Variants in CDK19 observed in about 807,000 individuals in gnomAD.
The protein encoded by CDK19 is cyclin-dependent kinase 19.
CDK19 carries 20 observed loss-of-function variants against 68.3 expected under a neutral mutation model. That is an observed-to-expected ratio of 0.29 (90% CI 0.21 to 0.43). CDK19 has a LOEUF of 0.43. Ranked by LOEUF, CDK19 falls within the 20% of genes least tolerant of loss-of-function variation. The pLI is 1.00. For synonymous variants in CDK19, 221 were observed against 222.8 expected (o/e 0.99, Z 0.07); for missense variants, 339 against 623.5 (o/e 0.54, Z 4.86).
chr6:110,645,898 T>C (rs1256952141), intron 4 of CDK19: 2 of 805,600 alleles, frequency 2.5e-6, no homozygotes, highest in Non-Finnish European at 4.1e-6. Context: ...GGCGACTCAG[T>C]CCTGCGAACT....
chr6:110,746,159 T>C lies in CDK19; in HGVS notation c.171A>G (p.Thr57=). The stretch of plus-strand genomic sequence containing the variant: ...CTCTACAAGCCGACATGGATATTCC[T>C]GTGCCTTCAATTTGCTTCAATGCAT... The part of the protein sequence containing the change: ...KEYALKQIEG[T]GISMSACREI... Residue 57 remains threonine (T), a synonymous_variant, in exon 2 of 13, where the codon ACA becomes ACG. Coordinates refer to ENST00000368911, the MANE Select transcript of CDK19 (RefSeq NM_015076.5). The C allele has an allele frequency of 6.2e-7, 1 of 1,603,924 alleles. No individual in the cohort carries two copies. The highest frequency in any genetic ancestry group is 8.5e-7 in the Non-Finnish European group (1 of 1,175,666).
rs558950184 is a variant in CDK19, at chr6:110,673,962, A to G, written c.205-3421T>C. Among the ~76,000 whole-genome samples the G allele has an allele frequency of 1.1e-4, 16 of 152,190 alleles. No homozygotes were observed. The South Asian group carries it at 3.3e-3, about 32-fold the overall frequency. ...GCTTCACAGATACTGTGTTTTTCCC[A>G]AGTAGAAGGTTTGTGGCAACCCTGC... On this transcript the variant is annotated intron_variant, in intron 2 of 12. Coordinates refer to ENST00000368911, the MANE Select transcript of CDK19 (RefSeq NM_015076.5).
intron 2 of CDK19, among the ~76,000 whole-genome samples, chr6:110,679,243 G>A (rs1771797697): frequency 6.6e-6 from 1 of 151,952 alleles, no homozygotes; most frequent in Non-Finnish European, 1.5e-5. Context: ...TTGAGCCCAC[G>A]AGTTCAAGGC....
chr6:110,811,652 G>A (rs890302163), intron 1 of CDK19, among the ~76,000 whole-genome samples: 2 of 152,158 alleles, frequency 1.3e-5, no homozygotes, highest in African/African-American at 4.8e-5. Context: ...TGTCATGTGC[G>A]ACTTCTTAAT....
At chr6:110,649,165 G>T (rs1381868358) in intron 4 of CDK19, among the ~76,000 whole-genome samples, 1 of 151,936 alleles carries the variant, frequency 6.6e-6, no homozygotes, top group Non-Finnish European at 1.5e-5. Context: ...TCCCATCAGG[G>T]ATTTTGTTCC....
intron 1 of CDK19, among the ~76,000 whole-genome samples, chr6:110,778,806 A>G (rs1450378654): frequency 6.6e-6 from 1 of 152,136 alleles, no homozygotes; most frequent in Non-Finnish European, 1.5e-5. Context: ...ACTGGATGAG[A>G]CACTTCCAAG....
intron 1 of CDK19, among the ~76,000 whole-genome samples, chr6:110,780,669 A>G (rs1173585020): frequency 6.6e-6 from 1 of 152,118 alleles, no homozygotes; most frequent in African/African-American, 2.4e-5. Context: ...ACATCTCTAC[A>G]ACAAATATTT....
intron 1 of CDK19, among the ~76,000 whole-genome samples, chr6:110,807,275 C>T (rs1232257053): frequency 6.6e-6 from 1 of 152,120 alleles, no homozygotes; most frequent in Non-Finnish European, 1.5e-5. Context: ...CTGCAGTGAG[C>T]CATGATCTAA....
At chr6:110,742,774 G>A (rs6933785) in intron 2 of CDK19, among the ~76,000 whole-genome samples, 7,877 of 152,162 alleles carry the variant, frequency 0.052, 218 homozygotes, top group Middle Eastern at 0.078. Context: ...TGGTTAGACC[G>A]GATCTCTGCT....
intron 2 of CDK19, among the ~76,000 whole-genome samples, chr6:110,692,607 T>G (rs1773104313): frequency 6.6e-6 from 1 of 152,152 alleles, no homozygotes. Context: ...TGGCTAGAGA[T>G]TTAGATATAC....
intron 1 of CDK19, among the ~76,000 whole-genome samples, chr6:110,765,775 T>C (rs1194073349): frequency 6.6e-6 from 1 of 151,182 alleles, no homozygotes; most frequent in Non-Finnish European, 1.5e-5. Context: ...CCAAATCCAA[T>C]TAAAAAATAG....
At chr6:110,647,108 C>CT in intron 4 of CDK19, among the ~76,000 whole-genome samples, 1 of 152,148 alleles carries the variant, frequency 6.6e-6, no homozygotes, top group African/African-American at 2.4e-5. Flanking sequence ...GCACTCCCCT[C>CT]TATCACCCCC....
chr6:110,643,152 T>C (rs962566461), intron 4 of CDK19: 4 of 1,272,544 alleles, frequency 3.1e-6, no homozygotes, highest in African/African-American at 3.1e-5. Context: ...ATGCTACCAG[T>C]AGAAGCCAAA....
chr6:110,677,547 CAG>C (rs1026357955), intron 2 of CDK19, among the ~76,000 whole-genome samples: 1 of 134,820 alleles, frequency 7.4e-6, no homozygotes, highest in African/African-American at 2.8e-5. Context: ...GCCTGGGAAG[CAG>C]AGAGAGACCC....
chr6:110,628,452 T>G (rs1779228867), intron 6 of CDK19, among the ~76,000 whole-genome samples: 1 of 152,226 alleles, frequency 6.6e-6, no homozygotes, highest in Non-Finnish European at 1.5e-5. Context: ...TGTGTACCAT[T>G]CTGAGCAGTG....
intron 1 of CDK19, chr6:110,773,822 T>G (rs1222534887): frequency 1.3e-5 from 2 of 152,224 alleles, no homozygotes; most frequent in Non-Finnish European, 2.9e-5. Flanking sequence ...ACCTGTCACA[T>G]ACCCACCCCA....
chr6:110,674,901 CAAAA>C (rs113776673), intron 2 of CDK19, among the ~76,000 whole-genome samples: 1 of 92,216 alleles, frequency 1.1e-5, no homozygotes. Flanking sequence ...GACTCTGTCT[CAAAA>C]AAAAAAAAAA....
Position 110,759,460 on chromosome 6 carries a change from A to G in CDK19, c.129-13259T>C, listed in dbSNP as rs1366523723. On this transcript the variant is annotated intron_variant, in intron 1 of 12. Transcript: ENST00000368911. Reference sequence around the variant, plus strand: ...ATATATATATATATATAAATTAGCCAGGCATAGTAGCACATGCCTGCAGTC... The same window carrying G: ...ATATATATATATATATAAATTAGCCGGGCATAGTAGCACATGCCTGCAGTC... 1.2e-4 allele frequency among the ~76,000 whole-genome samples: 16 copies of G among 133,890 alleles called. 1 individual carries two copies. The highest frequency in any genetic ancestry group is 4.6e-4 in the African/African-American group (16 of 34,954). The allele number at this position is 133,890 out of a possible 152,430, so 87.8% of individuals were successfully genotyped here.
chr6:110,769,131 G>A (rs1197585800), intron 1 of CDK19, among the ~76,000 whole-genome samples: 1 of 135,440 alleles, frequency 7.4e-6, no homozygotes, highest in Non-Finnish European at 1.5e-5. Context: ...TTCCAGACTG[G>A]GTGACAGAGA....
Sources: gnomAD v4.1 joint callset for allele counts (sites outside exome capture counted in the v4.1 genomes callset) on GRCh38, gnomAD v4.1.1 for gene constraint, MANE v1.5 for transcripts, NCBI Gene and HGNC (gene_info 2026-07-23, HGNC 2026-07-21) for gene names.